EPCIP: variants seen among roughly 807,000 people sequenced by gnomAD.
The protein encoded by EPCIP is exosomal polycystin-1-interacting protein.
the EPCIP span, among the ~76,000 whole-genome samples, chr21:32,809,345 C>T: frequency 1.2e-3 from 66 of 53,288 alleles, 1 homozygote; most frequent in African/African-American, 4.1e-3. Context: ...TCTTTCTTTC[C>T]TCTTTCTTTC....
chr21:32,794,258 C>T, the EPCIP span: 1 of 1,614,268 alleles, frequency 6.2e-7, no homozygotes, highest in Non-Finnish European at 8.5e-7. Context: ...GTTGGCCAAA[C>T]TGTAGTCACA....
chr21:32,809,328 CTT>C, the EPCIP span, among the ~76,000 whole-genome samples: 2 of 133,390 alleles, frequency 1.5e-5, no homozygotes, highest in African/African-American at 2.8e-5. Flanking sequence ...TTCTTTCTTT[CTT>C]TCTTTCTTTC....
chr21:32,813,543 G>T, the EPCIP span: 1 of 464,338 alleles, frequency 2.2e-6, no homozygotes, highest in Non-Finnish European at 4.5e-6. Flanking sequence ...CTGAAAAACT[G>T]TCAGACTAGA....
At chr21:32,791,735 A>G in the EPCIP span, among the ~76,000 whole-genome samples, 1 of 142,826 alleles carries the variant, frequency 7.0e-6, no homozygotes, top group African/African-American at 2.5e-5. Flanking sequence ...AGGTTAAGTG[A>G]AAAAAAAAAA....
At chr21:32,797,014 T>C in the EPCIP span, 2 of 470,756 alleles carry the variant, frequency 4.2e-6, no homozygotes, top group Admixed American at 2.4e-5. Flanking sequence ...TTGCGGAACA[T>C]GTGGGACAAG....
the EPCIP span, among the ~76,000 whole-genome samples, chr21:32,803,173 T>A: frequency 6.6e-6 from 1 of 152,192 alleles, no homozygotes; most frequent in Non-Finnish European, 1.5e-5. Context: ...TCCATTCTTT[T>A]CTTTCCAGGA....
the EPCIP span, among the ~76,000 whole-genome samples, chr21:32,802,389 C>T: frequency 6.6e-6 from 1 of 152,216 alleles, no homozygotes; most frequent in Non-Finnish European, 1.5e-5. Context: ...TAAGCTCCCT[C>T]TTTGGAGGCT....
chr21:32,805,545 A>T, the EPCIP span, among the ~76,000 whole-genome samples: 1 of 152,176 alleles, frequency 6.6e-6, no homozygotes, highest in South Asian at 2.1e-4. Context: ...TATTTTTAGT[A>T]GAGATGGGGT....
At chr21:32,799,268 C>T in the EPCIP span, among the ~76,000 whole-genome samples, 1 of 152,222 alleles carries the variant, frequency 6.6e-6, no homozygotes, top group African/African-American at 2.4e-5. Flanking sequence ...AACACTAAAG[C>T]ACCACTTTGA....
chr21:32,799,243 C>T, the EPCIP span, among the ~76,000 whole-genome samples: 2 of 152,162 alleles, frequency 1.3e-5, no homozygotes, highest in Non-Finnish European at 2.9e-5. Flanking sequence ...AACTCTACTC[C>T]TCTCAGTCTC....
At chr21:32,797,531 T>G in the EPCIP span, 6 of 158,384 alleles carry the variant, frequency 3.8e-5, no homozygotes, top group Admixed American at 1.2e-4. Flanking sequence ...ATTACAGGCA[T>G]GAGCCACTGC....
At chr21:32,792,421 A>G in the EPCIP span, among the ~76,000 whole-genome samples, 1 of 152,210 alleles carries the variant, frequency 6.6e-6, no homozygotes, top group African/African-American at 2.4e-5. Context: ...CACTTTTAAC[A>G]ATAGAAATAA....
At chr21:32,810,788 A>C in the EPCIP span, 1 of 403,012 alleles carries the variant, frequency 2.5e-6, no homozygotes, top group African/African-American at 2.1e-5. Flanking sequence ...TCTCCAACTT[A>C]ACATGCCAAA....
the EPCIP span, among the ~76,000 whole-genome samples, chr21:32,801,861 A>T: frequency 1.3e-5 from 2 of 152,042 alleles, no homozygotes; most frequent in African/African-American, 4.8e-5. Flanking sequence ...AAAAAAAAAG[A>T]TGCAGATGGA....
the EPCIP span, chr21:32,791,586 A>G: frequency 5.9e-5 from 9 of 151,936 alleles, no homozygotes; most frequent in Non-Finnish European, 1.0e-4. Context: ...ACATTTTTCT[A>G]TTAAAATTCA....
the EPCIP span, chr21:32,793,792 G>T: frequency 6.2e-7 from 1 of 1,614,166 alleles, no homozygotes; most frequent in Non-Finnish European, 8.5e-7. Context: ...CATAGCTTTT[G>T]TTGCTTGGCA....
the EPCIP span, chr21:32,790,707 A>G: frequency 6.6e-6 from 1 of 152,210 alleles, no homozygotes; most frequent in Non-Finnish European, 1.5e-5. Flanking sequence ...AAAGTAAAGG[A>G]ATAAAAGCAT....
the EPCIP span, among the ~76,000 whole-genome samples, chr21:32,799,995 A>C: frequency 6.6e-6 from 1 of 152,214 alleles, no homozygotes; most frequent in African/African-American, 2.4e-5. Context: ...CTCACTTCCA[A>C]ATTACGTTTT....
At chr21:32,809,409 G>A in the EPCIP span, among the ~76,000 whole-genome samples, 1 of 143,366 alleles carries the variant, frequency 7.0e-6, no homozygotes, top group African/African-American at 2.6e-5. Context: ...TTTGAGACAA[G>A]GTCTTGCTCT....
Sources: gnomAD v4.1 joint callset for allele counts (sites outside exome capture counted in the v4.1 genomes callset) on GRCh38, gnomAD v4.1.1 for gene constraint, MANE v1.5 for transcripts, NCBI Gene and HGNC (gene_info 2026-07-23, HGNC 2026-07-21) for gene names.